The following FAM240C variants were observed in gnomAD, a reference collection of about 807,000 sequenced individuals.
The protein encoded by FAM240C is family with sequence similarity 240 member C, also known as protein FAM240C.
FAM240C carries 14 observed loss-of-function variants against 10.0 expected under a neutral mutation model. The ratio of observed to expected loss-of-function variants is 1.40; its 90% CI spans 0.92 to 2.19. The LOEUF (loss-of-function observed/expected upper bound fraction) is 2.19. Among genes scored for constraint, FAM240C ranks in the 30% most tolerant of loss-of-function variants. FAM240C has a pLI of 0.00. For missense variants in FAM240C, 154 were observed against 122.3 expected (o/e 1.26, Z -1.22); for synonymous variants, 49 against 44.3 (o/e 1.11, Z -0.42).
chr2:241,899,151 G>A (rs1188079919), intron 1 of FAM240C: 3 of 1,304,288 alleles, frequency 2.3e-6, no homozygotes, highest in Non-Finnish European at 3.0e-6. Flanking sequence ...GCCTTCTGGA[G>A]CTCGGCTCAG....
At position 241,900,211 on chromosome 2, in the gene FAM240C, A is replaced by G; in HGVS notation, c.12+147T>C. 3.2e-6 allele frequency: 2 copies of G among 629,410 alleles called. No homozygotes were observed. Among genetic ancestry groups the G allele is most frequent in the South Asian group, 3.7e-5 (2 of 53,694 alleles). The allele number at this position is 629,410 out of a possible 1,614,324, so 39.0% of individuals were successfully genotyped here. A position where few individuals can be genotyped will look rare whatever the true frequency, so the allele number is the denominator to read the frequency against. On this transcript the variant is annotated intron_variant, in intron 1 of 2. Coordinates refer to ENST00000404031, the MANE Select transcript of FAM240C (RefSeq NM_001382368.1). The surrounding 1 kb of genome is among the most constrained non-coding windows in gnomAD (Gnocchi z 4.5). Reference sequence around the variant, plus strand: ...GGAATCCCAGTGGGAAAACAAAATTACAAAGTTCAGTTCCCCCAGCGAAAT... The same window carrying G: ...GGAATCCCAGTGGGAAAACAAAATTGCAAAGTTCAGTTCCCCCAGCGAAAT...
Position 241,900,453 on chromosome 2 carries a change from C to T in FAM240C, c.-84G>A. The T allele has an allele frequency of 1.4e-6, 1 of 708,206 alleles. No homozygotes were observed. The allele number at this position is 708,206 out of a possible 1,614,324, so 43.9% of individuals were successfully genotyped here. Reference sequence around the variant, plus strand: ...GGGGTGCACGCCTGTATCTCGCCTGCCGCTCTCTGTTACATGGGCTCAGTG... The same window carrying T: ...GGGGTGCACGCCTGTATCTCGCCTGTCGCTCTCTGTTACATGGGCTCAGTG... On this transcript the variant is annotated 5_prime_UTR_variant, in exon 1 of 3. Transcript: ENST00000404031. The surrounding 1 kb of genome is among the most constrained non-coding windows in gnomAD (Gnocchi z 4.5).
intron 1 of FAM240C, 77 bp from the exon 2 acceptor site, chr2:241,897,411 A>G: frequency 6.7e-7 from 1 of 1,484,916 alleles, no homozygotes; most frequent in Non-Finnish European, 9.1e-7. Flanking sequence ...CAGCACCCGG[A>G]TGGCAGAGGA....
At chr2:241,901,679 A>C (rs932931551), upstream of FAM240C, among the ~76,000 whole-genome samples, 4 of 152,176 alleles carry the variant, frequency 2.6e-5, no homozygotes, top group Non-Finnish European at 4.4e-5. This position sits in a 1 kb window ranked among gnomAD's most constrained non-coding sequence, Gnocchi z 4.9. Flanking sequence ...GCGCGGGTGG[A>C]AGACGCCGGT....
intron 2 of FAM240C, 98 bp from the exon 3 acceptor site, chr2:241,894,437 A>T (rs372592980): frequency 1.2e-5 from 16 of 1,383,522 alleles, no homozygotes; most frequent in East Asian, 7.6e-5. Flanking sequence ...CTGTGAGAGC[A>T]GGAGTATGAC....
chr2:241,897,982 G>A (rs1306961880), intron 1 of FAM240C, among the ~76,000 whole-genome samples: 1 of 152,140 alleles, frequency 6.6e-6, no homozygotes, highest in East Asian at 1.9e-4. Context: ...CAGTCTTCCT[G>A]GCTCAGCCTC....
chr2:241,900,100 CAAT>C lies in FAM240C; in HGVS notation c.12+255_12+257del, dbSNP rs1237735230. On this transcript the variant is annotated intron_variant, in intron 1 of 2. Coordinates refer to ENST00000404031, the MANE Select transcript of FAM240C (RefSeq NM_001382368.1). The surrounding 1 kb of genome is among the most constrained non-coding windows in gnomAD (Gnocchi z 4.5). ...CAACAACAGCAACAAAACAAAACAA[CAAT>C]GACAACAACAGACACACAAAGGGGT... Among the ~76,000 whole-genome samples, 12 of 152,126 alleles carry C rather than the reference CAAT, an allele frequency of 7.9e-5. No individual in the cohort carries two copies. Among genetic ancestry groups the C allele is most frequent in the Non-Finnish European group, 1.3e-4 (9 of 68,026 alleles).
rs948985457 is a variant in FAM240C, at chr2:241,897,353, A to C, written c.13-19T>G. The C allele has an allele frequency of 1.7e-5, 27 of 1,548,602 alleles. No homozygotes were observed. Among genetic ancestry groups the C allele is most frequent in the Non-Finnish European group, 2.3e-5 (26 of 1,145,710 alleles). ...TCATGTTCTGGAAAATAAAAAGTGG[A>C]GAAGAGCTCAGTCACCTTATGCCAT... is the stretch of plus-strand genomic sequence containing the variant. On this transcript the variant is annotated intron_variant, in intron 1 of 2. Coordinates refer to ENST00000404031, the MANE Select transcript of FAM240C (RefSeq NM_001382368.1).
intron 1 of FAM240C, chr2:241,899,152 C>T (rs1701923260): frequency 7.7e-7 from 1 of 1,304,154 alleles, no homozygotes; most frequent in African/African-American, 1.5e-5. Context: ...CCTTCTGGAG[C>T]TCGGCTCAGG....
At chr2:241,895,825 A>G (rs1323335091) in intron 2 of FAM240C, among the ~76,000 whole-genome samples, 2 of 152,078 alleles carry the variant, frequency 1.3e-5, no homozygotes, top group African/African-American at 4.8e-5. Flanking sequence ...CACCCAGGCA[A>G]TGGCCAGAGG....
Position 241,894,082 on chromosome 2 carries a change from G to T in FAM240C, c.*131C>A, listed in dbSNP as rs1053680986. On this transcript the variant is annotated 3_prime_UTR_variant, in exon 3 of 3. Coordinates refer to ENST00000404031, the MANE Select transcript of FAM240C (RefSeq NM_001382368.1). ...GACCCCGAGGTGGGATTATTACGGG[G>T]TCAGCGAGGTGCGGGCCATTTCCAT... The T allele has an allele frequency of 3.7e-6, 4 of 1,077,732 alleles. No homozygotes were observed. The African/African-American group carries it at 4.7e-5, about 13-fold the overall frequency. The allele number at this position is 1,077,732 out of a possible 1,614,324, so 66.8% of individuals were successfully genotyped here.
At chr2:241,901,214 A>G (rs1283775727), upstream of FAM240C, among the ~76,000 whole-genome samples, 1 of 152,190 alleles carries the variant, frequency 6.6e-6, no homozygotes, top group Non-Finnish European at 1.5e-5. The surrounding 1 kb of genome is among the most constrained non-coding windows in gnomAD (Gnocchi z 4.9). Context: ...CCCTGGTGCC[A>G]TCAGGTAGAT....
intron 2 of FAM240C, among the ~76,000 whole-genome samples, chr2:241,895,863 A>G (rs1374617535): frequency 6.6e-6 from 1 of 151,732 alleles, no homozygotes; most frequent in Non-Finnish European, 1.5e-5. Flanking sequence ...ACATGCAGGC[A>G]CACGCAGAGG....
chr2:241,894,196 CTG>C lies in FAM240C; in HGVS notation c.*15_*16del. On this transcript the variant is annotated 3_prime_UTR_variant, in exon 3 of 3. Coordinates refer to ENST00000404031, the MANE Select transcript of FAM240C (RefSeq NM_001382368.1). The stretch of plus-strand genomic sequence containing the variant: ...GACCCTCCGGAAGCTCATGCAGAGT[CTG>C]GAGCTCGTGGGCCCTCAGGCCGCCT... 2 of 1,547,766 alleles carry C rather than the reference CTG, an allele frequency of 1.3e-6. No individual in the cohort carries two copies. Among genetic ancestry groups the C allele is most frequent in the South Asian group, 2.4e-5 (2 of 83,964 alleles).
intron 2 of FAM240C, 121 bp downstream of exon 2, chr2:241,897,065 G>T (rs1575420515): frequency 9.1e-7 from 1 of 1,100,964 alleles, no homozygotes; most frequent in East Asian, 2.6e-5. Context: ...GAGCTGAGGG[G>T]TTTCATGGTG....
At chr2:241,896,628 T>A (rs1442772721) in intron 2 of FAM240C, among the ~76,000 whole-genome samples, 1 of 39,586 alleles carries the variant, frequency 2.5e-5, no homozygotes. Context: ...GGTGTGGGTG[T>A]TGGGGTGTGG....
chr2:241,895,790 G>A (rs924159800), intron 2 of FAM240C, among the ~76,000 whole-genome samples: 3 of 151,922 alleles, frequency 2.0e-5, no homozygotes, highest in Non-Finnish European at 4.4e-5. Context: ...ACAGTCCCGG[G>A]GCCTGAGCCC....
intron 2 of FAM240C, among the ~76,000 whole-genome samples, chr2:241,894,564 A>G (rs1701741523): frequency 1.4e-4 from 2 of 14,770 alleles, no homozygotes; most frequent in East Asian, 1.6e-3. Context: ...GCTGCTGACC[A>G]GTGGTTGGTG....
upstream of FAM240C, among the ~76,000 whole-genome samples, chr2:241,901,423 C>T (rs140112488): frequency 1.3e-3 from 195 of 152,300 alleles, 1 homozygote; most frequent in Middle Eastern, 6.8e-3. The surrounding 1 kb of genome is among the most constrained non-coding windows in gnomAD (Gnocchi z 4.9). Context: ...GGGAAATTTT[C>T]GTTTACTATC....
Sources: allele counts gnomAD v4.1 joint callset (sites outside exome capture counted in the v4.1 genomes callset), GRCh38; gene constraint gnomAD v4.1.1; non-coding constraint Gnocchi (gnomAD v3.1); transcripts MANE v1.5; gene names NCBI Gene and HGNC (gene_info 2026-07-23, HGNC 2026-07-21).